DGLUCY: variants seen among roughly 807,000 people sequenced by gnomAD.
The protein encoded by DGLUCY is D-glutamate cyclase.
A neutral mutation model predicts 58.5 loss-of-function variants in DGLUCY; 58 were observed. That is an observed-to-expected ratio of 0.99 (90% CI 0.80 to 1.23). The LOEUF (loss-of-function observed/expected upper bound fraction) is 1.23, where lower values mean the gene tolerates loss of function less well. Ranked by LOEUF, DGLUCY falls within the 50% of genes most tolerant of loss-of-function variation. The pLI, the probability that DGLUCY is intolerant of heterozygous loss-of-function variation, is 0.00. For synonymous variants in DGLUCY, 325 were observed against 314.1 expected (o/e 1.03, Z -0.37); for missense variants, 779 against 784.7 (o/e 0.99, Z 0.09).
chr14:91,092,450 C>A (rs554243141), intron 1 of DGLUCY, among the ~76,000 whole-genome samples: 1 of 152,248 alleles, frequency 6.6e-6, no homozygotes, highest in African/African-American at 2.4e-5. Flanking sequence ...TGAAGATCTC[C>A]CTATGAGAAA....
chr14:91,151,385 G>A (rs1262956808), intron 1 of DGLUCY, among the ~76,000 whole-genome samples: 5 of 151,590 alleles, frequency 3.3e-5, no homozygotes, highest in East Asian at 1.9e-4. Context: ...GACTACAGGC[G>A]CCCACCACCA....
At chr14:91,181,523 C>A in intron 8 of DGLUCY, 134 bp downstream of exon 8, 1 of 836,718 alleles carries the variant, frequency 1.2e-6, no homozygotes, top group Non-Finnish European at 1.8e-6. Flanking sequence ...AATGTTGATA[C>A]TGCATATAAA....
intron 7 of DGLUCY, among the ~76,000 whole-genome samples, chr14:91,178,764 C>T (rs1235578436): frequency 1.3e-5 from 2 of 152,208 alleles, no homozygotes; most frequent in Non-Finnish European, 2.9e-5. Context: ...AGTGTGGTGG[C>T]TTACGCCTGT....
chr14:91,092,146 T>C (rs2044322023), intron 1 of DGLUCY, among the ~76,000 whole-genome samples: 1 of 152,218 alleles, frequency 6.6e-6, no homozygotes, highest in African/African-American at 2.4e-5. Context: ...CTTCAGCCCA[T>C]GTTAATTTCA....
intron 1 of DGLUCY, among the ~76,000 whole-genome samples, chr14:91,130,408 A>T (rs2045964815): frequency 6.6e-6 from 1 of 151,302 alleles, no homozygotes; most frequent in Admixed American, 6.6e-5. Context: ...CCTGGGTTCA[A>T]GCCATTCTCC....
chr14:91,071,092 G>A (rs2043907821), intron 1 of DGLUCY, among the ~76,000 whole-genome samples: 1 of 151,902 alleles, frequency 6.6e-6, no homozygotes, highest in Admixed American at 6.6e-5. Flanking sequence ...CAGTACTTTG[G>A]GAGGCTGAGG....
chr14:91,173,284 G>A lies in DGLUCY; in HGVS notation c.457-5G>A. On this transcript the variant is annotated splice_polypyrimidine_tract_variant and splice_region_variant and intron_variant, in intron 5 of 13. Transcript: ENST00000256324. ...TTCACTTGATTTTTTTTTTTTTTTG[G>A]TCAGACAACAGTGCCTTGTGTTACC... 2 of 1,576,774 alleles carry A rather than the reference G, an allele frequency of 1.3e-6. No individual in the cohort carries two copies. The highest frequency in any genetic ancestry group is 1.7e-6 in the Non-Finnish European group (2 of 1,167,596).
chr14:91,211,509 C>T (rs1282168769), intron 12 of DGLUCY, among the ~76,000 whole-genome samples: 2 of 152,178 alleles, frequency 1.3e-5, no homozygotes, highest in East Asian at 3.8e-4. Flanking sequence ...GAATAGACAG[C>T]CCAGAAGTAG....
chr14:91,186,826 C>T (rs2049551775), intron 8 of DGLUCY, among the ~76,000 whole-genome samples: 2 of 152,126 alleles, frequency 1.3e-5, no homozygotes, highest in South Asian at 2.1e-4. Flanking sequence ...CTGTGACCCT[C>T]CTACATCTGG....
At chr14:91,199,674 G>A (rs12886645) in intron 10 of DGLUCY, 83 bp from the exon 11 acceptor site, 854,909 of 1,473,484 alleles carry the variant, frequency 0.58, 255,701 homozygotes, top group East Asian at 0.7. Context: ...AGCGTCTTTC[G>A]CGCAAACACA....
rs3086750 is a variant in DGLUCY at position 91,071,334 on chromosome 14, C to CAAAAAA, written c.-82+10643_-82+10648dup. On this transcript the variant is annotated intron_variant, in intron 1 of 4. Coordinates refer to the DGLUCY transcript ENST00000521334. Reference sequence around the variant, plus strand: ...CCTGGGCAACAGAGCGAGATTCCACCAAAAAAAAAAAAAAAAAAGAAGTCT... The same window carrying CAAAAAA: ...CCTGGGCAACAGAGCGAGATTCCACCAAAAAAAAAAAAAAAAAAAAAAAAGAAGTCT... Among the ~76,000 whole-genome samples, 34 of 84,118 alleles carry CAAAAAA rather than the reference C, an allele frequency of 4.0e-4. 1 individual carries two copies. The highest frequency in any genetic ancestry group is 4.8e-4 in the Non-Finnish European group (20 of 41,852). The allele number at this position is 84,118 out of a possible 152,430, so 55.2% of individuals were successfully genotyped here.
At chr14:91,166,932 A>G (rs1389653473) in intron 3 of DGLUCY, among the ~76,000 whole-genome samples, 3 of 152,182 alleles carry the variant, frequency 2.0e-5, no homozygotes, top group African/African-American at 7.2e-5. Context: ...CAGTTGGCCC[A>G]ACATGGGCCA....
upstream of DGLUCY, among the ~76,000 whole-genome samples, chr14:91,107,250 G>T (rs2044608068): frequency 6.6e-6 from 1 of 152,058 alleles, no homozygotes; most frequent in Non-Finnish European, 1.5e-5. Context: ...TAGGTGTGGT[G>T]GCTCACACCT....
At chr14:91,176,561 A>G (rs2048865564) in intron 7 of DGLUCY, among the ~76,000 whole-genome samples, 1 of 151,868 alleles carries the variant, frequency 6.6e-6, no homozygotes, top group Non-Finnish European at 1.5e-5. Flanking sequence ...GGATCTCCTT[A>G]CCAGAGCACT....
chr14:91,205,118 G>A (rs1260873013), intron 12 of DGLUCY, among the ~76,000 whole-genome samples: 2 of 152,188 alleles, frequency 1.3e-5, no homozygotes, highest in African/African-American at 4.8e-5. Flanking sequence ...AAACACATCA[G>A]ATGATTCTAA....
chr14:91,069,039 G>A (rs932510552), intron 1 of DGLUCY, among the ~76,000 whole-genome samples: 6 of 152,168 alleles, frequency 3.9e-5, no homozygotes, highest in African/African-American at 1.4e-4. Flanking sequence ...TACATGAAGA[G>A]TCATTGAGTT....
chr14:91,157,222 G>GATGGATGA (rs1555398844), intron 1 of DGLUCY, among the ~76,000 whole-genome samples: 8 of 143,836 alleles, frequency 5.6e-5, no homozygotes, highest in African/African-American at 2.2e-4. Context: ...TGGGTGGATG[G>GATGGATGA]ATGGATGGGT....
intron 1 of DGLUCY, among the ~76,000 whole-genome samples, chr14:91,095,346 G>A (rs1595635388): frequency 6.6e-6 from 1 of 152,326 alleles, no homozygotes; most frequent in East Asian, 1.9e-4. Context: ...GGTTCTCAGG[G>A]TCGGCAGAGG....
intron 3 of DGLUCY, among the ~76,000 whole-genome samples, 188 bp from the exon 4 acceptor site, chr14:91,167,037 G>C (rs1330540419): frequency 6.6e-6 from 1 of 151,880 alleles, no homozygotes; most frequent in African/African-American, 2.4e-5. Flanking sequence ...TACTCGGGGG[G>C]CTGAGGCAGG....
Sources: allele counts gnomAD v4.1 joint callset (sites outside exome capture counted in the v4.1 genomes callset), GRCh38; gene constraint gnomAD v4.1.1; transcripts MANE v1.5; gene names NCBI Gene and HGNC (gene_info 2026-07-23, HGNC 2026-07-21).